CDH13: variants seen among roughly 807,000 people sequenced by gnomAD.
CDH13 encodes cadherin 13.
In CDH13, 24 loss-of-function variants were observed where a neutral mutation model predicts 63.8. The ratio of observed to expected loss-of-function variants is 0.38; its 90% confidence interval spans 0.27 to 0.53. The LOEUF (loss-of-function observed/expected upper bound fraction) is 0.53, where lower values mean the gene tolerates loss of function less well. Among genes scored for constraint, CDH13 ranks in the 20% least tolerant of loss-of-function variants. The pLI is 0.85. For synonymous variants in CDH13, 503 were observed against 355.3 expected (o/e 1.42, Z -4.67); for missense variants, 1,049 against 903.1 (o/e 1.16, Z -2.07).
chr16:83,292,985 G>T (rs1474767620), intron 5 of CDH13, among the ~76,000 whole-genome samples: 4 of 152,168 alleles, frequency 2.6e-5, no homozygotes, highest in Non-Finnish European at 5.9e-5. Context: ...GACTAAATTT[G>T]TAATTAAACA....
intron 1 of CDH13, among the ~76,000 whole-genome samples, chr16:82,842,130 AT>A: frequency 2.1e-5 from 1 of 48,262 alleles, no homozygotes; most frequent in African/African-American, 7.0e-5. Flanking sequence ...ATATATATAT[AT>A]ATATATACAC....
chr16:83,550,923 A>G lies in CDH13; in HGVS notation c.961-51531A>G, dbSNP rs1343694087. ...CTCTCTTCCCCACCAAGCTCTGCAT[A>G]TTCCATCTCAGGAATAAATCTCTAA... On this transcript the variant is annotated intron_variant, in intron 7 of 13. Transcript: ENST00000567109. 1.3e-5 allele frequency among the ~76,000 whole-genome samples: 2 copies of G among 152,212 alleles called. 1 individual carries two copies. The highest frequency in any genetic ancestry group is 4.8e-5 in the African/African-American group (2 of 41,542).
At chr16:82,758,403 C>T (rs550819798) in intron 1 of CDH13, among the ~76,000 whole-genome samples, 3 of 145,530 alleles carry the variant, frequency 2.1e-5, no homozygotes, top group South Asian at 2.3e-4. Context: ...TGTGTCACCA[C>T]CTTGGCCCAG....
At chr16:83,110,345 A>C (rs553491937) in intron 3 of CDH13, among the ~76,000 whole-genome samples, 6 of 152,362 alleles carry the variant, frequency 3.9e-5, no homozygotes, top group Non-Finnish European at 7.3e-5. Flanking sequence ...TGTTAACCAC[A>C]CAACAGCTGG....
chr16:83,272,495 A>T (rs1241016585), intron 5 of CDH13, among the ~76,000 whole-genome samples: 1 of 152,220 alleles, frequency 6.6e-6, no homozygotes, highest in Admixed American at 6.5e-5. Context: ...TCAAACTTGA[A>T]TTTTTAAAGT....
chr16:83,734,776 C>T (rs1286993223), intron 10 of CDH13, among the ~76,000 whole-genome samples: 1 of 131,104 alleles, frequency 7.6e-6, no homozygotes, highest in East Asian at 2.0e-4. Flanking sequence ...TAAAGCGGGG[C>T]AAGGAAGAGA....
chr16:82,749,023 G>C (rs181765031), intron 1 of CDH13, among the ~76,000 whole-genome samples: 1 of 152,304 alleles, frequency 6.6e-6, no homozygotes, highest in African/African-American at 2.4e-5. Context: ...ATGTTGCAGA[G>C]TGTTGGCCTT....
At chr16:83,220,040 C>G (rs1056115029) in intron 5 of CDH13, among the ~76,000 whole-genome samples, 1 of 152,166 alleles carries the variant, frequency 6.6e-6, no homozygotes, top group Non-Finnish European at 1.5e-5. Context: ...TACACAAGTA[C>G]TTGGGTTACT....
At chr16:82,747,832 T>C (rs1427109459) in intron 1 of CDH13, among the ~76,000 whole-genome samples, 2 of 152,220 alleles carry the variant, frequency 1.3e-5, no homozygotes, top group African/African-American at 4.8e-5. Context: ...GGCAAAATTG[T>C]AATTGGCCTT....
At chr16:83,757,732 G>A (rs1380981395) in intron 11 of CDH13, among the ~76,000 whole-genome samples, 1 of 151,992 alleles carries the variant, frequency 6.6e-6, no homozygotes, top group Non-Finnish European at 1.5e-5. Flanking sequence ...AATGACTATA[G>A]CCATCAAAAA....
intron 1 of CDH13, among the ~76,000 whole-genome samples, chr16:82,703,990 G>A (rs901538262): frequency 4.6e-5 from 7 of 152,084 alleles, no homozygotes; most frequent in Admixed American, 3.3e-4. Context: ...TCAAGGCTTC[G>A]GTTTTTCTCC....
intron 7 of CDH13, among the ~76,000 whole-genome samples, chr16:83,501,850 A>G (rs986319134): frequency 6.6e-6 from 1 of 152,222 alleles, no homozygotes; most frequent in Non-Finnish European, 1.5e-5. Context: ...GGATTTCTGT[A>G]TTCATTGCTC....
rs1295429991 is a variant in CDH13, at chr16:83,675,562, C to T, written c.1285-2646C>T. ...CCACTCTTCTTCCTCACCATCTTAA[C>T]AGCTTCTTGTTATTGATACCAACAC... On this transcript the variant is annotated intron_variant, in intron 9 of 13. Transcript: ENST00000567109. Among the ~76,000 whole-genome samples the T allele has an allele frequency of 2.0e-5, 3 of 152,284 alleles. No individual in the cohort carries two copies. The South Asian group carries it at 6.2e-4, about 32-fold the overall frequency.
chr16:83,600,323 A>G (rs765101501), intron 7 of CDH13, among the ~76,000 whole-genome samples: 1 of 152,180 alleles, frequency 6.6e-6, no homozygotes, highest in African/African-American at 2.4e-5. Context: ...TCACAGGAGC[A>G]CACTAACTTC....
chr16:82,909,976 C>T (rs1483209155), intron 2 of CDH13, among the ~76,000 whole-genome samples: 1 of 152,200 alleles, frequency 6.6e-6, no homozygotes, highest in African/African-American at 2.4e-5. Context: ...TCCCTGCCTT[C>T]TTGGAGTTAG....
At chr16:82,712,011 A>T (rs1181949127) in intron 1 of CDH13, among the ~76,000 whole-genome samples, 2 of 152,192 alleles carry the variant, frequency 1.3e-5, no homozygotes, top group Non-Finnish European at 2.9e-5. Context: ...AGCCTTAACC[A>T]TTCTGCTCTC....
chr16:82,987,765 CT>C (rs1351223598), intron 2 of CDH13, among the ~76,000 whole-genome samples: 2 of 152,178 alleles, frequency 1.3e-5, no homozygotes, highest in East Asian at 3.9e-4. Context: ...AAGGAATTCC[CT>C]ATGGCTGCAT....
At chr16:82,908,473 C>G (rs1029825490) in intron 2 of CDH13, among the ~76,000 whole-genome samples, 1 of 152,208 alleles carries the variant, frequency 6.6e-6, no homozygotes, top group African/African-American at 2.4e-5. Context: ...ACAGGGGCCA[C>G]CTGCCCAGCA....
chr16:82,886,095 T>A (rs1244288053), intron 2 of CDH13, among the ~76,000 whole-genome samples: 3 of 152,216 alleles, frequency 2.0e-5, no homozygotes, highest in Non-Finnish European at 2.9e-5. Flanking sequence ...CTGATATCCA[T>A]CTGTTTCATC....
Sources: gnomAD v4.1 joint callset for allele counts (sites outside exome capture counted in the v4.1 genomes callset) on GRCh38, gnomAD v4.1.1 for gene constraint, MANE v1.5 for transcripts, NCBI Gene and HGNC (gene_info 2026-07-23, HGNC 2026-07-21) for gene names.